PKD2: variants seen among roughly 807,000 people sequenced by gnomAD.
PKD2 encodes the protein polycystin-2.
PKD2 carries 48 observed loss-of-function variants against 105.9 expected under a neutral mutation model. That is an observed-to-expected ratio of 0.45 (90% CI 0.36 to 0.58). The LOEUF is 0.58. PKD2 is among the 20% of genes least tolerant of loss of function. The pLI, the probability that PKD2 is intolerant of heterozygous loss-of-function variation, is 0.00. For synonymous variants in PKD2, 464 were observed against 481.1 expected, an observed-to-expected ratio of 0.96 and a Z score of 0.46; for missense variants, 1,078 against 1,255.3, an observed-to-expected ratio of 0.86 and a Z score of 2.13.
chr4:88,023,479 A>G (rs1235808203), intron 2 of PKD2, among the ~76,000 whole-genome samples: 1 of 152,194 alleles, frequency 6.6e-6, no homozygotes, highest in Non-Finnish European at 1.5e-5. Context: ...TCAACATGAG[A>G]TTTGGATGGG....
chr4:88,030,771 A>G (rs927916139), intron 2 of PKD2, among the ~76,000 whole-genome samples: 7 of 152,192 alleles, frequency 4.6e-5, no homozygotes, highest in Admixed American at 2.6e-4. Context: ...CCTTGCAGGG[A>G]TGGGATGCAG....
intron 10 of PKD2, among the ~76,000 whole-genome samples, chr4:88,065,148 T>C (rs1720741673): frequency 1.3e-5 from 2 of 152,312 alleles, no homozygotes; most frequent in South Asian, 2.1e-4. Flanking sequence ...TAAAAGACCT[T>C]TAGTTCTTCA....
intron 4 of PKD2, among the ~76,000 whole-genome samples, chr4:88,038,742 T>C (rs1464441802): frequency 6.6e-6 from 1 of 152,200 alleles, no homozygotes. Context: ...GTTGACCATA[T>C]AACCCCTCAA....
At chr4:88,012,883 C>G (rs1397352790) in intron 1 of PKD2, among the ~76,000 whole-genome samples, 2 of 152,072 alleles carry the variant, frequency 1.3e-5, no homozygotes, top group African/African-American at 4.8e-5. Context: ...AAGGTTTATC[C>G]ATGCGTGCAA....
intron 10 of PKD2, among the ~76,000 whole-genome samples, chr4:88,062,560 G>A (rs770403042): frequency 1.6e-4 from 25 of 152,162 alleles, no homozygotes; most frequent in Non-Finnish European, 3.2e-4. Context: ...GGGTTTCATT[G>A]TTAAATAGAA....
At chr4:88,031,493 G>A (rs1008915284) in intron 2 of PKD2, among the ~76,000 whole-genome samples, 4 of 152,130 alleles carry the variant, frequency 2.6e-5, no homozygotes, top group African/African-American at 9.7e-5. Context: ...GCTTCATCTT[G>A]TGGCAGATTA....
At chr4:88,068,961 T>C (rs575813627) in intron 13 of PKD2, among the ~76,000 whole-genome samples, 31 of 152,318 alleles carry the variant, frequency 2.0e-4, no homozygotes, top group African/African-American at 7.0e-4. Flanking sequence ...TATATTTTCC[T>C]AATATATTGA....
At chr4:88,071,037 A>G (rs2110145797) in intron 13 of PKD2, among the ~76,000 whole-genome samples, 1 of 150,948 alleles carries the variant, frequency 6.6e-6, no homozygotes, top group Non-Finnish European at 1.5e-5. Flanking sequence ...CCTGTATTTG[A>G]TGAGACAATG....
chr4:88,074,962 C>T lies in PKD2; in HGVS notation c.2670+3C>T, dbSNP rs1488966112. 6.2e-7 allele frequency: 1 copy of T among 1,613,750 alleles called. No homozygotes were observed. Among genetic ancestry groups the T allele is most frequent in the Non-Finnish European group, 8.5e-7 (1 of 1,179,914 alleles). Reference sequence around the variant, plus strand: ...GGCTGTTGGATGGGGTGGCCGAGGTCAGTAGTCATGAGCTGAAAACACCGC... The same window carrying T: ...GGCTGTTGGATGGGGTGGCCGAGGTTAGTAGTCATGAGCTGAAAACACCGC... On this transcript the variant is annotated splice_donor_region_variant and intron_variant, in intron 14 of 14. Transcript: ENST00000237596.
chr4:88,011,615 A>G (rs952605608), intron 1 of PKD2, among the ~76,000 whole-genome samples: 2 of 152,088 alleles, frequency 1.3e-5, no homozygotes, highest in Non-Finnish European at 2.9e-5. Context: ...TCATTTTGCC[A>G]TACTTTATGT....
At chr4:88,017,187 A>T (rs1726589347) in intron 1 of PKD2, among the ~76,000 whole-genome samples, 1 of 152,022 alleles carries the variant, frequency 6.6e-6, no homozygotes, top group Admixed American at 6.6e-5. Context: ...AGGCGGAAGG[A>T]TGGCTTGAGC....
rs973515982 is a variant in PKD2, at chr4:88,008,271, C to G, written c.538C>G (p.Leu180Val). The change falls in exon 1 of 15, where the codon CTG becomes GTG. Residue 180 changes from leucine to valine, a missense_variant. Physicochemically the swap from Leu to Val is conservative, Grantham distance 32 (BLOSUM62 1). This residue lies in a region of PKD2 where 868 missense variants were observed against 1,067.3 expected (regional missense o/e 0.81). Transcript: ENST00000237596. ...GGACCCGCTGCATCGCCACCTCCCC[C>G]TGGAAGGGCAGCCGCCCCGAGTGGC... is the stretch of plus-strand genomic sequence containing the variant. ...GGDPLHRHLP[L>V]EGQPPRVAWA... The G allele has an allele frequency of 4.7e-6, 7 of 1,475,472 alleles. No individual in the cohort carries two copies. In the African/African-American group the frequency reaches 8.8e-5, roughly 19 times the overall value. The allele number at this position is 1,475,472 out of a possible 1,614,324, so 91.4% of individuals were successfully genotyped here. A position where few individuals can be genotyped will look rare whatever the true frequency, so the allele number is the denominator to read the frequency against.
At chr4:88,072,251 G>A (rs1353261366) in intron 13 of PKD2, among the ~76,000 whole-genome samples, 2 of 151,960 alleles carry the variant, frequency 1.3e-5, no homozygotes, top group East Asian at 1.9e-4. Flanking sequence ...ACAAAAGGCC[G>A]GGATTACAGA....
intron 13 of PKD2, among the ~76,000 whole-genome samples, chr4:88,069,673 T>C (rs1429334090): frequency 1.3e-5 from 2 of 152,128 alleles, no homozygotes; most frequent in African/African-American, 4.8e-5. Flanking sequence ...CACTGTGTAA[T>C]ATATAGTATA....
At chr4:88,027,421 T>G (rs1037026075) in intron 2 of PKD2, among the ~76,000 whole-genome samples, 2 of 152,172 alleles carry the variant, frequency 1.3e-5, no homozygotes, top group Non-Finnish European at 2.9e-5. Context: ...TTTCTCCTAT[T>G]TGGAATGGGA....
At chr4:88,054,801 G>C (rs909984804) in intron 7 of PKD2, among the ~76,000 whole-genome samples, 4 of 151,458 alleles carry the variant, frequency 2.6e-5, no homozygotes, top group Admixed American at 2.0e-4. Context: ...ACTACAGGCG[G>C]CTGCCACCAC....
chr4:88,014,538 A>ACTGT (rs1726497150), intron 1 of PKD2, among the ~76,000 whole-genome samples: 1 of 152,102 alleles, frequency 6.6e-6, no homozygotes, highest in African/African-American at 2.4e-5. Context: ...TAAGGTAGCA[A>ACTGT]CTGTCTATTC....
intron 1 of PKD2, among the ~76,000 whole-genome samples, chr4:88,009,530 C>G (rs1726315475): frequency 6.6e-6 from 1 of 151,470 alleles, no homozygotes; most frequent in African/African-American, 2.4e-5. Flanking sequence ...ACGCTTAGGA[C>G]TTGACTCTTT....
intron 4 of PKD2, among the ~76,000 whole-genome samples, chr4:88,039,030 C>T (rs957393482): frequency 6.6e-5 from 10 of 152,132 alleles, no homozygotes; most frequent in African/African-American, 2.2e-4. Flanking sequence ...GCTTTTTGTA[C>T]ACTTTGGTAC....
Sources: gnomAD v4.1 joint callset for allele counts (sites outside exome capture counted in the v4.1 genomes callset) on GRCh38, gnomAD v4.1.1 for gene constraint, gnomAD v4.1.1 regional missense constraint, MANE v1.5 for transcripts, NCBI Gene and HGNC (gene_info 2026-07-23, HGNC 2026-07-21) for gene names.